The following KLHL2 variants were observed in gnomAD, a reference collection of about 807,000 sequenced individuals.
KLHL2 encodes kelch-like protein 2.
Under a neutral mutation model 75.8 loss-of-function variants are expected in KLHL2, and 15 were observed. The ratio of observed to expected loss-of-function variants is 0.20; its 90% CI spans 0.13 to 0.30. KLHL2 has a LOEUF of 0.30. KLHL2 is among the 10% of genes least tolerant of loss of function. The probability of loss-of-function intolerance (pLI) is 1.00; values close to 1 mark genes in which losing one functional copy is unlikely to be tolerated. For missense variants in KLHL2, 381 were observed against 741.0 expected (o/e 0.51, Z 5.64); for synonymous variants, 214 against 251.9 (o/e 0.85, Z 1.42).
chr4:165,293,499 C>CT lies in KLHL2; in HGVS notation c.545-845dup, dbSNP rs559134623. ...TATATCATAAACCAATTCTGTCTCT[C>CT]TTTTTTTTTTTTTTTCTGAGACGGA... is the stretch of plus-strand genomic sequence containing the variant. On this transcript the variant is annotated intron_variant, in intron 5 of 14. Coordinates refer to ENST00000226725, the MANE Select transcript of KLHL2 (RefSeq NM_007246.4). Among the ~76,000 whole-genome samples, 491 of 142,784 alleles carry CT rather than the reference C, an allele frequency of 3.4e-3. 1 individual carries two copies. The highest frequency in any genetic ancestry group is 7.4e-3 in the Middle Eastern group (2 of 270). The allele number at this position is 142,784 out of a possible 152,430, so 93.7% of individuals were successfully genotyped here.
At chr4:165,263,400 C>T in intron 5 of KLHL2, 41 bp downstream of exon 5, 1 of 1,601,344 alleles carries the variant, frequency 6.2e-7, no homozygotes, top group Non-Finnish European at 8.5e-7. Context: ...GAGGAAACTG[C>T]TTGGTTTTTG....
intron 5 of KLHL2, among the ~76,000 whole-genome samples, chr4:165,286,720 T>C (rs1744121741): frequency 6.6e-6 from 1 of 152,206 alleles, no homozygotes; most frequent in Admixed American, 6.5e-5. Flanking sequence ...GGCTTCAGAA[T>C]TGAGATCTGC....
chr4:165,306,268 G>T (rs140205521), intron 9 of KLHL2, among the ~76,000 whole-genome samples: 19 of 152,150 alleles, frequency 1.2e-4, no homozygotes, highest in African/African-American at 4.1e-4. Flanking sequence ...GTAATGGAAC[G>T]TTTCTATGAT....
chr4:165,271,895 G>T (rs557327014), intron 5 of KLHL2, among the ~76,000 whole-genome samples: 2 of 152,278 alleles, frequency 1.3e-5, no homozygotes, highest in East Asian at 3.9e-4. Context: ...AACTGCTTCA[G>T]TGTGCTTACT....
rs568475801 is a variant in KLHL2 at position 165,279,694 on chromosome 4, C to T, written c.545-14665C>T. On this transcript the variant is annotated intron_variant, in intron 5 of 14. Coordinates refer to ENST00000226725, the MANE Select transcript of KLHL2 (RefSeq NM_007246.4). Reference sequence around the variant, plus strand: ...CGTTTGCGGCCGGTTTCCTGGGTGACGGCGGCGGGAGGGGGAGGGGAGGGT... The same window carrying T: ...CGTTTGCGGCCGGTTTCCTGGGTGATGGCGGCGGGAGGGGGAGGGGAGGGT... The T allele has an allele frequency of 1.3e-5, 19 of 1,440,456 alleles. No individual in the cohort carries two copies. The Admixed American group carries it at 2.5e-4, about 19-fold the overall frequency. The allele number at this position is 1,440,456 out of a possible 1,614,324, so 89.2% of individuals were successfully genotyped here.
At chr4:165,223,487 A>G (rs1163569102) in intron 2 of KLHL2, among the ~76,000 whole-genome samples, 6 of 152,356 alleles carry the variant, frequency 3.9e-5, no homozygotes, top group South Asian at 4.1e-4. Flanking sequence ...GATTAATTGC[A>G]CAAGCCAGGG....
chr4:165,238,534 A>G (rs1739544690), intron 3 of KLHL2, among the ~76,000 whole-genome samples: 1 of 152,226 alleles, frequency 6.6e-6, no homozygotes, highest in Admixed American at 6.5e-5. Context: ...AGCTGGACAT[A>G]TGGCACGTTC....
At chr4:165,247,672 G>C (rs1740373175) in intron 4 of KLHL2, among the ~76,000 whole-genome samples, 1 of 152,122 alleles carries the variant, frequency 6.6e-6, no homozygotes, top group African/African-American at 2.4e-5. Context: ...TTAGTGGCTT[G>C]GATGGTGGAA....
chr4:165,239,259 T>A (rs1388273673), intron 4 of KLHL2, among the ~76,000 whole-genome samples: 2 of 147,852 alleles, frequency 1.4e-5, no homozygotes, highest in Non-Finnish European at 3.0e-5. Context: ...ATTTTTTATT[T>A]CTGTCTTTTT....
intron 4 of KLHL2, among the ~76,000 whole-genome samples, chr4:165,258,381 G>T (rs1741364202): frequency 1.5e-5 from 2 of 135,852 alleles, no homozygotes; most frequent in Non-Finnish European, 1.5e-5. Flanking sequence ...ATGATGGTCT[G>T]TGCTTAACTA....
Position 165,297,730 on chromosome 4 carries a change from A to ATGCATATGTTT in KLHL2, c.771+13_771+14insTTTTGCATATG. On this transcript the variant is annotated splice_donor_region_variant and intron_variant, in intron 7 of 14. Transcript: ENST00000226725. ...CCTCGGGAATATTTAGTTCAGGTAA[A>ATGCATATGTTT]TGCATATGCAAAACATATGAATCCA... 6.6e-7 allele frequency: 1 copy of ATGCATATGTTT among 1,525,860 alleles called. No individual in the cohort carries two copies. The highest frequency in any genetic ancestry group is 9.1e-7 in the Non-Finnish European group (1 of 1,099,444). 94.5% of individuals were successfully genotyped at this position (1,525,860 alleles called of 1,614,324 possible).
chr4:165,315,642 G>A (rs1746539432), intron 13 of KLHL2, among the ~76,000 whole-genome samples: 3 of 152,240 alleles, frequency 2.0e-5, no homozygotes, highest in African/African-American at 7.2e-5. Context: ...GTTCATAAGA[G>A]TATTTTAAAA....
chr4:165,232,562 C>T (rs1738984596), intron 3 of KLHL2, among the ~76,000 whole-genome samples: 2 of 151,888 alleles, frequency 1.3e-5, no homozygotes, highest in Admixed American at 6.6e-5. Flanking sequence ...GAGATCTCAT[C>T]TCTAAAAAGA....
chr4:165,218,270 A>G (rs1737693904), intron 1 of KLHL2, among the ~76,000 whole-genome samples: 2 of 152,132 alleles, frequency 1.3e-5, no homozygotes, highest in South Asian at 4.1e-4. Context: ...CTCAAAGTGA[A>G]AGGCCTTAGG....
chr4:165,281,294 G>GCTCT (rs547414565), intron 5 of KLHL2, among the ~76,000 whole-genome samples: 4 of 145,692 alleles, frequency 2.7e-5, no homozygotes, highest in Non-Finnish European at 6.0e-5. Flanking sequence ...CTAACCTGAT[G>GCTCT]CTCTCTCTCT....
intron 4 of KLHL2, among the ~76,000 whole-genome samples, chr4:165,256,123 G>T (rs947114713): frequency 6.6e-6 from 1 of 152,078 alleles, no homozygotes; most frequent in African/African-American, 2.4e-5. Flanking sequence ...TGCAGCTGGT[G>T]TGAGAGTGTC....
chr4:165,261,459 G>C (rs2111225411), intron 4 of KLHL2, among the ~76,000 whole-genome samples: 1 of 152,226 alleles, frequency 6.6e-6, no homozygotes, highest in East Asian at 1.9e-4. Flanking sequence ...TCCTTCCTCA[G>C]CCTCCTGAGT....
At chr4:165,275,823 T>C (rs905432772) in intron 5 of KLHL2, among the ~76,000 whole-genome samples, 2 of 152,166 alleles carry the variant, frequency 1.3e-5, no homozygotes, top group Non-Finnish European at 2.9e-5. Flanking sequence ...GGACTACCTG[T>C]GGAGAATTCC....
chr4:165,294,722 AC>A (rs937357862), intron 6 of KLHL2, among the ~76,000 whole-genome samples: 1 of 152,210 alleles, frequency 6.6e-6, no homozygotes, highest in Non-Finnish European at 1.5e-5. Flanking sequence ...ATTTTTAGCC[AC>A]TACAGTTTTG....
Sources: gnomAD v4.1 joint callset for allele counts (sites outside exome capture counted in the v4.1 genomes callset) on GRCh38, gnomAD v4.1.1 for gene constraint, MANE v1.5 for transcripts, NCBI Gene and HGNC (gene_info 2026-07-23, HGNC 2026-07-21) for gene names.